Variants in ZKSCAN3 observed in about 807,000 individuals in gnomAD.
ZKSCAN3 encodes zinc finger protein with KRAB and SCAN domains 3.
A neutral mutation model predicts 30.7 loss-of-function variants in ZKSCAN3; 21 were observed. The ratio of observed to expected loss-of-function variants is 0.68; its 90% confidence interval spans 0.49 to 0.99. The LOEUF is 0.99. Among genes scored for constraint, ZKSCAN3 ranks in the 50% least tolerant of loss-of-function variants. ZKSCAN3 has a pLI of 0.00. For synonymous variants in ZKSCAN3, 201 were observed against 246.7 expected (o/e 0.81, Z 1.73); for missense variants, 507 against 647.1 (o/e 0.78, Z 2.35).
chr6:28,363,533 G>A (rs765967079), intron 4 of ZKSCAN3, 148 bp downstream of exon 4: 195 of 1,300,792 alleles, frequency 1.5e-4, no homozygotes, highest in Non-Finnish European at 2.0e-4. Context: ...TCTATCTCGA[G>A]GTTGTTTATC....
At chr6:28,357,520 A>G (rs906486256) in intron 1 of ZKSCAN3, among the ~76,000 whole-genome samples, 2 of 152,224 alleles carry the variant, frequency 1.3e-5, no homozygotes, top group African/African-American at 2.4e-5. Flanking sequence ...GGAAGTGGAC[A>G]GTATCCTCAG....
chr6:28,350,108 G>GTGTC (rs1374834455), intron 1 of ZKSCAN3, 41 bp downstream of exon 1: 3 of 152,492 alleles, frequency 2.0e-5, no homozygotes, highest in African/African-American at 7.2e-5. Flanking sequence ...GTGTGTGTGT[G>GTGTC]TGTTTGTGGA....
chr6:28,363,174 C>T (rs943466228), intron 3 of ZKSCAN3, 129 bp from the exon 4 acceptor site: 7 of 749,526 alleles, frequency 9.3e-6, no homozygotes, highest in African/African-American at 3.5e-5. Context: ...CAGCTCATTG[C>T]AGCTTCAGAC....
intron 5 of ZKSCAN3, 62 bp downstream of exon 5, chr6:28,363,877 T>A: frequency 6.3e-7 from 1 of 1,586,314 alleles, no homozygotes; most frequent in Non-Finnish European, 8.6e-7. Flanking sequence ...TATTAGAACC[T>A]GTTGAGCTAT....
chr6:28,360,045 A>T, intron 2 of ZKSCAN3, 57 bp downstream of exon 2: 1 of 1,613,930 alleles, frequency 6.2e-7, no homozygotes, highest in Non-Finnish European at 8.5e-7. Context: ...CTGAAATCCC[A>T]GATCAGAGTG....
Position 28,368,338 on chromosome 6 carries a change from T to G in ZKSCAN3, c.*2053T>G, listed in dbSNP as rs532849942. 1 of 152,346 alleles carries G rather than the reference T, an allele frequency of 6.6e-6. No homozygotes were observed. Among genetic ancestry groups the G allele is most frequent in the Non-Finnish European group, 1.5e-5 (1 of 68,038 alleles). The allele number at this position is 152,346 out of a possible 1,614,324, so 9.4% of individuals were successfully genotyped here. A position where few individuals can be genotyped will look rare whatever the true frequency, so the allele number is the denominator to read the frequency against. On this transcript the variant is annotated 3_prime_UTR_variant, in exon 6 of 6. Transcript: ENST00000252211. ...TTATTAGTGTCTGACTGTCTTGGTC[T>G]TCTTATACATTGATTCCCAAATCAC... is the stretch of plus-strand genomic sequence containing the variant.
rs1305046042 is a variant in ZKSCAN3, at chr6:28,368,482, T to C, written c.*2197T>C. On this transcript the variant is annotated 3_prime_UTR_variant, in exon 6 of 6. Coordinates refer to ENST00000252211, the MANE Select transcript of ZKSCAN3 (RefSeq NM_024493.4). ...AGACCATCTTTTTTTTTTCCCATCA[T>C]GATAGTCAAAATTTTAGTCTGTGTA... 2 of 152,110 alleles carry C rather than the reference T, an allele frequency of 1.3e-5. No individual in the cohort carries two copies. The highest frequency in any genetic ancestry group is 2.9e-5 in the Non-Finnish European group (2 of 68,014). 9.4% of individuals were successfully genotyped at this position (152,110 alleles called of 1,614,324 possible).
At chr6:28,356,309 A>G (rs1054726601) in intron 1 of ZKSCAN3, 1 of 152,226 alleles carries the variant, frequency 6.6e-6, no homozygotes, top group Non-Finnish European at 1.5e-5. Flanking sequence ...GTCTATATAC[A>G]ACTGCCATCT....
Position 28,361,436 on chromosome 6 carries a change from A to T in ZKSCAN3, c.515A>T (p.His172Leu), listed in dbSNP as rs745445329. The change falls in exon 3 of 6, where the codon CAT becomes CTT. Residue 172 changes from histidine (H) to leucine (L), a missense_variant. Coordinates refer to ENST00000252211, the MANE Select transcript of ZKSCAN3 (RefSeq NM_024493.4). ...QFQLMKALLK[H>L]ESVGSQPLQD... ...CAGCTAATGAAGGCTCTGCTCAAGCATGAATCTGTGGGATCCCAGCCTTTA... is the reference window on the plus strand; with the variant it reads ...CAGCTAATGAAGGCTCTGCTCAAGCTTGAATCTGTGGGATCCCAGCCTTTA... 1 of 1,613,924 alleles carries T rather than the reference A, an allele frequency of 6.2e-7. No individual in the cohort carries two copies. The highest frequency in any genetic ancestry group is 8.5e-7 in the Non-Finnish European group (1 of 1,179,960).
intron 5 of ZKSCAN3, 31 bp downstream of exon 5, chr6:28,363,846 G>A (rs1398946357): frequency 6.2e-7 from 1 of 1,608,946 alleles, no homozygotes; most frequent in Admixed American, 1.7e-5. Flanking sequence ...TTTCTGTTAA[G>A]GTTTCTTGGC....
intron 1 of ZKSCAN3, chr6:28,355,191 C>T (rs1333921032): frequency 6.6e-6 from 1 of 152,152 alleles, no homozygotes; most frequent in Non-Finnish European, 1.5e-5. Flanking sequence ...CCTAAGACTT[C>T]CTGTAATTGT....
At chr6:28,354,085 C>G (rs1033401895) in intron 1 of ZKSCAN3, 1 of 398,508 alleles carries the variant, frequency 2.5e-6, no homozygotes, top group African/African-American at 2.1e-5. Flanking sequence ...GCCGCTCCCA[C>G]ACTTACAGCT....
chr6:28,358,275 C>G (rs1765558549), intron 1 of ZKSCAN3, among the ~76,000 whole-genome samples: 2 of 152,210 alleles, frequency 1.3e-5, no homozygotes, highest in South Asian at 4.1e-4. Context: ...TCCTTGAACT[C>G]CTGGGCTCAG....
chr6:28,359,467 C>A, intron 1 of ZKSCAN3, 58 bp from the exon 2 acceptor site: 1 of 1,288,028 alleles, frequency 7.8e-7, no homozygotes, highest in Non-Finnish European at 1.1e-6. Flanking sequence ...GGCTCCTGGG[C>A]AGGAGAGAAG....
chr6:28,363,924 A>G, intron 5 of ZKSCAN3, 109 bp downstream of exon 5: 11 of 1,413,532 alleles, frequency 7.8e-6, no homozygotes, highest in Admixed American at 2.1e-5. Flanking sequence ...TGGATTCACA[A>G]TCACCATTTC....
chr6:28,366,415 G>C lies in ZKSCAN3; in HGVS notation c.*130G>C. On this transcript the variant is annotated 3_prime_UTR_variant, in exon 6 of 6. Transcript: ENST00000252211. ...TACACATTATCAGGTGTTAGAAAAT[G>C]TAGACTGGGTTAGACAAATTATCTT... 1 of 1,052,404 alleles carries C rather than the reference G, an allele frequency of 9.5e-7. No individual in the cohort carries two copies. Among genetic ancestry groups the C allele is most frequent in the Non-Finnish European group, 1.3e-6 (1 of 765,264 alleles). The allele number at this position is 1,052,404 out of a possible 1,614,324, so 65.2% of individuals were successfully genotyped here.
intron 1 of ZKSCAN3, among the ~76,000 whole-genome samples, chr6:28,350,689 G>A (rs975513427): frequency 6.6e-6 from 1 of 152,158 alleles, no homozygotes; most frequent in African/African-American, 2.4e-5. Flanking sequence ...TGACACATTA[G>A]TGACTGGCTT....
Position 28,361,474 on chromosome 6 carries a change from A to G in ZKSCAN3, c.550+3A>G, listed in dbSNP as rs897492229. ...ATCCCAGCCTTTACAAGATAGAGGT[A>G]AGGATTATTTTCTAGACAGTATGAA... On this transcript the variant is annotated splice_donor_region_variant and intron_variant, in intron 3 of 5. Transcript: ENST00000252211. 1.2e-6 allele frequency: 2 copies of G among 1,603,318 alleles called. No homozygotes were observed. Among genetic ancestry groups the G allele is most frequent in the Non-Finnish European group, 1.7e-6 (2 of 1,176,632 alleles).
rs528496224 is a variant in ZKSCAN3, at chr6:28,358,227, T to C, written c.-62-1298T>C. On this transcript the variant is annotated intron_variant, in intron 1 of 5. Transcript: ENST00000252211. Reference sequence around the variant, plus strand: ...GAGATGGAGTCTCTGCACTGTTGCCTAGGCTGGAGTACAGAGGCACAATCA... The same window carrying C: ...GAGATGGAGTCTCTGCACTGTTGCCCAGGCTGGAGTACAGAGGCACAATCA... Among the ~76,000 whole-genome samples, 57 of 152,250 alleles carry C rather than the reference T, an allele frequency of 3.7e-4. 1 individual carries two copies. In the East Asian group the frequency reaches 0.01, roughly 28 times the overall value.
Sources: allele counts gnomAD v4.1 joint callset (sites outside exome capture counted in the v4.1 genomes callset), GRCh38; gene constraint gnomAD v4.1.1; transcripts MANE v1.5; gene names NCBI Gene and HGNC (gene_info 2026-07-23, HGNC 2026-07-21).